SYN3: variants seen among roughly 807,000 people sequenced by gnomAD.
SYN3 encodes synapsin-3.
Under a neutral mutation model 65.8 loss-of-function variants are expected in SYN3, and 35 were observed. That is an observed-to-expected ratio of 0.53 (90% CI 0.41 to 0.70). The LOEUF (loss-of-function observed/expected upper bound fraction) is 0.70. SYN3 is among the 30% of genes least tolerant of loss of function. The pLI, the probability that SYN3 is intolerant of heterozygous loss-of-function variation, is 0.00. For synonymous variants in SYN3, 270 were observed against 292.9 expected (o/e 0.92, Z 0.80); for missense variants, 680 against 749.0 (o/e 0.91, Z 1.08).
intron 5 of SYN3, among the ~76,000 whole-genome samples, chr22:32,868,221 T>C (rs2146341644): frequency 6.6e-6 from 1 of 152,192 alleles, no homozygotes; most frequent in Non-Finnish European, 1.5e-5. Flanking sequence ...AACAATATGG[T>C]GCATCTTTAT....
chr22:32,554,017 C>T lies in SYN3; in HGVS notation c.775-12304G>A, dbSNP rs558412496. On this transcript the variant is annotated intron_variant, in intron 7 of 13. Transcript: ENST00000358763. Reference sequence around the variant, plus strand: ...CCATCATCATCCCTCACTGGACCATCGCCATCATCTCCTTTGAAAATTCCC... The same window carrying T: ...CCATCATCATCCCTCACTGGACCATTGCCATCATCTCCTTTGAAAATTCCC... 7.2e-5 allele frequency among the ~76,000 whole-genome samples: 11 copies of T among 152,332 alleles called. No homozygotes were observed. In the South Asian group the frequency reaches 1.0e-3, roughly 14 times the overall value.
intron 6 of SYN3, among the ~76,000 whole-genome samples, chr22:32,679,048 C>CTTTTTTT (rs145971116): frequency 6.7e-4 from 57 of 85,628 alleles, no homozygotes; most frequent in Non-Finnish European, 9.0e-4. Flanking sequence ...TTGTTTCTTT[C>CTTTTTTT]TTTTTTTTTT....
At chr22:32,946,503 G>A (rs1256480628) in intron 3 of SYN3, among the ~76,000 whole-genome samples, 1 of 150,278 alleles carries the variant, frequency 6.7e-6, no homozygotes, top group Non-Finnish European at 1.5e-5. Flanking sequence ...GAGAACACTT[G>A]GACACAGGAA....
intron 4 of SYN3, among the ~76,000 whole-genome samples, chr22:32,899,307 T>C (rs868297494): frequency 3.9e-5 from 6 of 152,294 alleles, no homozygotes; most frequent in Middle Eastern, 3.4e-3. Context: ...GAACACATAT[T>C]GAGCACTTAC....
intron 1 of SYN3, among the ~76,000 whole-genome samples, chr22:33,011,510 C>CA (rs945504235): frequency 4.6e-5 from 7 of 151,964 alleles, no homozygotes; most frequent in South Asian, 4.2e-4. Flanking sequence ...ATGTTCATGA[C>CA]AAAAAAACAT....
chr22:32,987,287 C>A (rs1357684703), intron 2 of SYN3, among the ~76,000 whole-genome samples: 2 of 152,118 alleles, frequency 1.3e-5, no homozygotes, highest in Non-Finnish European at 2.9e-5. Context: ...GGAAGACAAC[C>A]AATGGGCTGT....
chr22:32,650,015 C>T (rs1476024856), intron 6 of SYN3, among the ~76,000 whole-genome samples: 2 of 152,136 alleles, frequency 1.3e-5, no homozygotes, highest in Admixed American at 1.3e-4. Context: ...AAATTCAGAG[C>T]ATTAGATGTT....
At chr22:32,680,416 C>G (rs996647517) in intron 6 of SYN3, among the ~76,000 whole-genome samples, 17 of 152,212 alleles carry the variant, frequency 1.1e-4, no homozygotes, top group Non-Finnish European at 2.4e-4. Flanking sequence ...AGACTGTCAA[C>G]TCTTTGAGGA....
chr22:32,900,568 T>C (rs1473035552), intron 4 of SYN3, among the ~76,000 whole-genome samples: 4 of 152,200 alleles, frequency 2.6e-5, no homozygotes, highest in African/African-American at 9.6e-5. Context: ...TTTGACCAAC[T>C]AGCCTTTTGC....
intron 4 of SYN3, among the ~76,000 whole-genome samples, chr22:32,901,585 T>C (rs1418228769): frequency 2.0e-5 from 3 of 152,204 alleles, no homozygotes; most frequent in African/African-American, 7.2e-5. Context: ...ATATTTAGCT[T>C]TCTATTTATC....
At chr22:32,931,538 G>A (rs1441524615) in intron 3 of SYN3, 57 bp from the exon 4 acceptor site, 10 of 1,214,198 alleles carry the variant, frequency 8.2e-6, no homozygotes, top group Admixed American at 5.1e-5. Context: ...TGGTAACAAC[G>A]GTTAACACAT....
intron 6 of SYN3, among the ~76,000 whole-genome samples, chr22:32,746,511 T>C (rs142707157): frequency 1.3e-4 from 20 of 152,236 alleles, no homozygotes; most frequent in African/African-American, 4.1e-4. Context: ...GAGGTGCTAG[T>C]GTGGTGAAGG....
In SYN3 at chr22:32,604,089, A is replaced by G. The variant is rs565994857; in HGVS notation, c.712-7353T>C. ...AGCCGCATCCTCAATCCACAGAGTC[A>G]GAGAAACAGGACTTTAGAGTGGCCC... On this transcript the variant is annotated intron_variant, in intron 6 of 13. Transcript: ENST00000358763. Among the ~76,000 whole-genome samples the G allele has an allele frequency of 2.0e-5, 3 of 152,378 alleles. No homozygotes were observed. In the South Asian group the frequency reaches 6.2e-4, roughly 32 times the overall value.
intron 4 of SYN3, among the ~76,000 whole-genome samples, chr22:32,925,098 A>G (rs1334495047): frequency 6.6e-6 from 1 of 152,092 alleles, no homozygotes; most frequent in Non-Finnish European, 1.5e-5. Context: ...TCTCAAGGAA[A>G]AAAAAAAGCT....
At chr22:32,853,284 C>T (rs12165359) in intron 6 of SYN3, among the ~76,000 whole-genome samples, 8,237 of 152,226 alleles carry the variant, frequency 0.054, 271 homozygotes, top group Middle Eastern at 0.085. Flanking sequence ...AGACAAATTG[C>T]TGTATAGAGA....
At chr22:32,744,034 G>T (rs547469728) in intron 6 of SYN3, among the ~76,000 whole-genome samples, 1 of 152,222 alleles carries the variant, frequency 6.6e-6, no homozygotes, top group Admixed American at 6.5e-5. Context: ...TTCATGAGAT[G>T]ATGACCCCTT....
intron 2 of SYN3, among the ~76,000 whole-genome samples, chr22:32,997,139 T>A (rs1339996120): frequency 6.6e-6 from 1 of 152,218 alleles, no homozygotes; most frequent in Non-Finnish European, 1.5e-5. Context: ...AGGTCCCAGA[T>A]GTCAGTAGCA....
chr22:32,992,350 C>G (rs145529441), intron 2 of SYN3, among the ~76,000 whole-genome samples: 4 of 152,356 alleles, frequency 2.6e-5, no homozygotes, highest in African/African-American at 9.6e-5. Flanking sequence ...CCAGGAAGCC[C>G]ACTCAGTCTC....
At chr22:32,644,971 C>T (rs1373181435) in intron 6 of SYN3, among the ~76,000 whole-genome samples, 12 of 151,964 alleles carry the variant, frequency 7.9e-5, no homozygotes, top group Non-Finnish European at 1.3e-4. Context: ...AGAATGATGT[C>T]GTAGCAGGAA....
Sources: allele counts gnomAD v4.1 joint callset (sites outside exome capture counted in the v4.1 genomes callset), GRCh38; gene constraint gnomAD v4.1.1; transcripts MANE v1.5; gene names NCBI Gene and HGNC (gene_info 2026-07-23, HGNC 2026-07-21).